Variants in FNDC3B observed in about 807,000 individuals in gnomAD.
FNDC3B encodes fibronectin type III domain-containing protein 3B.
In FNDC3B, 12 loss-of-function variants were observed where a neutral mutation model predicts 151.5. That is an observed-to-expected ratio of 0.08 (90% CI 0.05 to 0.13). FNDC3B has a LOEUF of 0.13. Ranked by LOEUF, FNDC3B falls within the 10% of genes least tolerant of loss-of-function variation. The probability of loss-of-function intolerance (pLI) is 1.00; values close to 1 mark genes in which losing one functional copy is unlikely to be tolerated. For missense variants in FNDC3B, 1,214 were observed against 1,505.3 expected, an observed-to-expected ratio of 0.81 and a Z score of 3.20; for synonymous variants, 528 against 549.0, an observed-to-expected ratio of 0.96 and a Z score of 0.54.
chr3:172,086,569 T>C (rs1273519303), intron 1 of FNDC3B, among the ~76,000 whole-genome samples: 2 of 152,212 alleles, frequency 1.3e-5, no homozygotes, highest in Non-Finnish European at 2.9e-5. Context: ...ATGTAAAAAT[T>C]GGCCTAAGTT....
chr3:172,087,091 T>C (rs1718585517), intron 1 of FNDC3B, among the ~76,000 whole-genome samples: 1 of 152,214 alleles, frequency 6.6e-6, no homozygotes. Flanking sequence ...CTCAAAACAG[T>C]GTAGAATCCA....
intron 23 of FNDC3B, among the ~76,000 whole-genome samples, chr3:172,364,276 G>A (rs1734499589): frequency 6.6e-6 from 1 of 152,154 alleles, no homozygotes; most frequent in South Asian, 2.1e-4. Flanking sequence ...CACAATCCAT[G>A]TATAAAAAAA....
intron 3 of FNDC3B, among the ~76,000 whole-genome samples, chr3:172,166,491 C>T (rs1222295897): frequency 1.3e-5 from 2 of 152,158 alleles, no homozygotes; most frequent in Non-Finnish European, 2.9e-5. Flanking sequence ...TGACAGTCTG[C>T]TTGTTCCAGC....
chr3:172,318,686 G>A (rs1033147621), intron 11 of FNDC3B, among the ~76,000 whole-genome samples: 1 of 152,254 alleles, frequency 6.6e-6, no homozygotes, highest in African/African-American at 2.4e-5. Context: ...CAGTGTGTTG[G>A]TTGGTTTCAT....
chr3:172,334,252 A>G (rs1732834978), intron 14 of FNDC3B, among the ~76,000 whole-genome samples: 1 of 152,050 alleles, frequency 6.6e-6, no homozygotes, highest in East Asian at 1.9e-4. Context: ...GAACATAGCT[A>G]TACTGCTAAC....
intron 1 of FNDC3B, among the ~76,000 whole-genome samples, chr3:172,044,020 C>T (rs1296189548): frequency 6.6e-6 from 1 of 152,184 alleles, no homozygotes; most frequent in East Asian, 1.9e-4. Context: ...CCTTATGTAG[C>T]TGCAGAAGTA....
intron 1 of FNDC3B, among the ~76,000 whole-genome samples, chr3:172,096,130 C>G (rs1000228240): frequency 2.0e-5 from 3 of 152,146 alleles, no homozygotes; most frequent in Non-Finnish European, 4.4e-5. Flanking sequence ...ATTAAGTATT[C>G]TGGGGCAAAG....
chr3:172,397,594 T>G lies in FNDC3B; in HGVS notation c.*119T>G. On this transcript the variant is annotated 3_prime_UTR_variant, in exon 26 of 26. Transcript: ENST00000415807. ...ATTTATATACTCTGTTTTACAGATT[T>G]AGCTAGAAAAAAAATGTCAGTGTTT... 1 of 548,144 alleles carries G rather than the reference T, an allele frequency of 1.8e-6. No individual in the cohort carries two copies. The highest frequency in any genetic ancestry group is 2.9e-6 in the Non-Finnish European group (1 of 346,890). 34.0% of individuals were successfully genotyped at this position (548,144 alleles called of 1,614,324 possible).
intron 1 of FNDC3B, among the ~76,000 whole-genome samples, chr3:172,110,730 G>A (rs1208535829): frequency 2.6e-5 from 4 of 151,942 alleles, no homozygotes; most frequent in African/African-American, 9.7e-5. Flanking sequence ...GGGAAGAAAA[G>A]GTGAAATTGC....
intron 6 of FNDC3B, among the ~76,000 whole-genome samples, chr3:172,282,713 C>T (rs529918601): frequency 5.4e-4 from 82 of 152,188 alleles, no homozygotes; most frequent in Non-Finnish European, 1.0e-3. Flanking sequence ...AAGGCCAACA[C>T]CCCACCAGTA....
At chr3:172,048,114 G>C (rs1287623050) in intron 1 of FNDC3B, among the ~76,000 whole-genome samples, 7 of 152,046 alleles carry the variant, frequency 4.6e-5, no homozygotes, top group Non-Finnish European at 1.0e-4. Flanking sequence ...AAAGATTTCT[G>C]GATATTTTAC....
chr3:172,075,967 T>A (rs1019557067), intron 1 of FNDC3B, among the ~76,000 whole-genome samples: 2 of 152,290 alleles, frequency 1.3e-5, no homozygotes, highest in Admixed American at 1.3e-4. Context: ...CATTCGTTTC[T>A]TCTTTCACAT....
chr3:172,388,765 A>G (rs1735856420), intron 25 of FNDC3B, among the ~76,000 whole-genome samples: 1 of 152,178 alleles, frequency 6.6e-6, no homozygotes, highest in Non-Finnish European at 1.5e-5. Flanking sequence ...CAAGTCCTGT[A>G]TTTGTAGGCC....
At chr3:172,090,737 A>C (rs1718783011) in intron 1 of FNDC3B, among the ~76,000 whole-genome samples, 1 of 152,178 alleles carries the variant, frequency 6.6e-6, no homozygotes. Context: ...AATGCTCCAA[A>C]ATCTGAAACT....
intron 8 of FNDC3B, among the ~76,000 whole-genome samples, chr3:172,295,801 G>A (rs1343119667): frequency 2.0e-5 from 3 of 152,184 alleles, no homozygotes; most frequent in South Asian, 2.1e-4. Context: ...TCGGCAAAAG[G>A]CGATTATGAC....
rs183797881 is a variant in FNDC3B at position 172,174,975 on chromosome 3, T to C, written c.187+41429T>C. 3.1e-3 allele frequency among the ~76,000 whole-genome samples: 332 copies of C among 105,514 alleles called. 14 individuals carry two copies. In the Admixed American group the frequency reaches 0.039, roughly 12 times the overall value. The allele number at this position is 105,514 out of a possible 152,430, so 69.2% of individuals were successfully genotyped here. ...ACAATTTGCTGTCCATCCGGTCCCATGTCCTAGTTTCCTCTCTGGCCATGC... is the reference window on the plus strand; with the variant it reads ...ACAATTTGCTGTCCATCCGGTCCCACGTCCTAGTTTCCTCTCTGGCCATGC... On this transcript the variant is annotated intron_variant, in intron 3 of 25. Transcript: ENST00000415807.
At chr3:172,134,238 G>A (rs1408892101) in intron 3 of FNDC3B, 2 of 449,152 alleles carry the variant, frequency 4.5e-6, no homozygotes, top group African/African-American at 2.0e-5. Flanking sequence ...CACTTCTAGT[G>A]TGTATACTAA....
chr3:172,276,089 T>C lies in FNDC3B; in HGVS notation c.791-9837T>C, dbSNP rs564187552. On this transcript the variant is annotated intron_variant, in intron 6 of 25. Transcript: ENST00000415807. ...GAAGATAGAAATGTTTAGATGGTTT[T>C]CTTTTTCTAGTCACATTTAAGTAAG... is the stretch of plus-strand genomic sequence containing the variant. Among the ~76,000 whole-genome samples, 588 of 152,348 alleles carry C rather than the reference T, an allele frequency of 3.9e-3. 2 individuals carry two copies. The highest frequency in any genetic ancestry group is 6.2e-3 in the Non-Finnish European group (424 of 68,020).
rs145495952 is a variant in FNDC3B, at chr3:172,398,402, G to A, written c.*927G>A. ...TGTCCATGATTTACACTAATTGTGA[G>A]CAGTCTTCTTATGTGTCAGCTCATT... On this transcript the variant is annotated 3_prime_UTR_variant, in exon 26 of 26. Coordinates refer to ENST00000415807, the MANE Select transcript of FNDC3B (RefSeq NM_022763.4). 192 of 152,758 alleles carry A rather than the reference G, an allele frequency of 1.3e-3. No individual in the cohort carries two copies. The highest frequency in any genetic ancestry group is 4.4e-3 in the African/African-American group (182 of 41,578). 9.5% of individuals were successfully genotyped at this position (152,758 alleles called of 1,614,324 possible).
Sources: gnomAD v4.1 joint callset for allele counts (sites outside exome capture counted in the v4.1 genomes callset) on GRCh38, gnomAD v4.1.1 for gene constraint, MANE v1.5 for transcripts, NCBI Gene and HGNC (gene_info 2026-07-23, HGNC 2026-07-21) for gene names.